TBC1D22A: variants seen among roughly 807,000 people sequenced by gnomAD.
The protein encoded by TBC1D22A is putative GTPase activator.
Under a neutral mutation model 60.2 loss-of-function variants are expected in TBC1D22A, and 38 were observed. That is an observed-to-expected ratio of 0.63 (90% CI 0.49 to 0.83). The LOEUF (loss-of-function observed/expected upper bound fraction) is 0.83. Among genes scored for constraint, TBC1D22A ranks in the 40% least tolerant of loss-of-function variants. The pLI is 0.00. For missense variants in TBC1D22A, 628 were observed against 701.0 expected, an observed-to-expected ratio of 0.90 and a Z score of 1.18; for synonymous variants, 302 against 281.7, an observed-to-expected ratio of 1.07 and a Z score of -0.72.
At chr22:46,874,562 CTTTTTTTTTTT>C (rs747481407) in intron 4 of TBC1D22A, among the ~76,000 whole-genome samples, 24 of 40,780 alleles carry the variant, frequency 5.9e-4, no homozygotes, top group East Asian at 1.7e-3. Context: ...ACAGGTATGT[CTTTTTTTTTTT>C]TTTTTTTTTT....
At chr22:46,846,982 G>T (rs1309998780) in intron 4 of TBC1D22A, among the ~76,000 whole-genome samples, 1 of 152,206 alleles carries the variant, frequency 6.6e-6, no homozygotes, top group Non-Finnish European at 1.5e-5. Flanking sequence ...TTAGGCGGGT[G>T]TCCCCTTCTG....
rs1436503721 is a variant in TBC1D22A, at chr22:47,173,884, C to G, written c.*258C>G. On this transcript the variant is annotated 3_prime_UTR_variant, in exon 13 of 13. Coordinates refer to ENST00000337137, the MANE Select transcript of TBC1D22A (RefSeq NM_014346.5). ...CGGCGGCCAGAGGCAGGTCAGGGGT[C>G]CCCTCTCCCTCTCCCTGCAATGTCC... 1 of 443,190 alleles carries G rather than the reference C, an allele frequency of 2.3e-6. No homozygotes were observed. The highest frequency in any genetic ancestry group is 4.1e-6 in the Non-Finnish European group (1 of 244,544). 27.5% of individuals were successfully genotyped at this position (443,190 alleles called of 1,614,324 possible).
At chr22:46,904,138 T>TCTGCCTGCCTACCTAC (rs1481229542) in intron 7 of TBC1D22A, among the ~76,000 whole-genome samples, 1 of 55,262 alleles carries the variant, frequency 1.8e-5, no homozygotes, top group African/African-American at 6.7e-5. Context: ...TATCTATCTA[T>TCTGCCTGCCTACCTAC]CTATCTACCT....
intron 12 of TBC1D22A, among the ~76,000 whole-genome samples, chr22:47,171,048 G>A (rs111647196): frequency 6.6e-6 from 1 of 152,152 alleles, no homozygotes; most frequent in African/African-American, 2.4e-5. Context: ...CAGGTCATCT[G>A]TCCAGGCTCT....
At position 47,111,153 on chromosome 22, in the gene TBC1D22A, G is replaced by A. The variant is rs550124685; in HGVS notation, c.1330-355G>A. On this transcript the variant is annotated intron_variant, in intron 11 of 12. Transcript: ENST00000337137. ...GAGGCCTCCCTCACGCGCCCTTTGT[G>A]AGGAGTAGACTCTGTGTCTGGCATG... 9.8e-5 allele frequency among the ~76,000 whole-genome samples: 15 copies of A among 152,324 alleles called. No individual in the cohort carries two copies. In the East Asian group the frequency reaches 2.5e-3, roughly 25 times the overall value.
chr22:47,100,340 G>T (rs542396512), intron 11 of TBC1D22A, among the ~76,000 whole-genome samples: 2 of 152,178 alleles, frequency 1.3e-5, no homozygotes, highest in East Asian at 3.9e-4. Flanking sequence ...GGGCACAGGG[G>T]TAAGCCTGGA....
At chr22:46,890,685 G>T (rs984388547) in intron 5 of TBC1D22A, among the ~76,000 whole-genome samples, 1 of 152,190 alleles carries the variant, frequency 6.6e-6, no homozygotes, top group Non-Finnish European at 1.5e-5. Context: ...TGACCTCCTT[G>T]TGCTGCCTGG....
intron 10 of TBC1D22A, among the ~76,000 whole-genome samples, chr22:47,013,152 G>T (rs1007900746): frequency 4.6e-5 from 7 of 152,204 alleles, no homozygotes; most frequent in African/African-American, 1.7e-4. Flanking sequence ...TCCTTCCCAG[G>T]ATCTTTGAGG....
Position 47,131,207 on chromosome 22 carries a change from C to T in TBC1D22A, c.1425+19604C>T, listed in dbSNP as rs991368659. On this transcript the variant is annotated intron_variant, in intron 12 of 12. Transcript: ENST00000337137. ...ACTGCCAACACCAGCTGTCACATTC[C>T]ACCATGAGATTGAGAGGGCATGGAC... Among the ~76,000 whole-genome samples the T allele has an allele frequency of 7.2e-5, 11 of 152,334 alleles. 2 individuals are homozygous for T. Among genetic ancestry groups the T allele is most frequent in the Admixed American group, 5.2e-4 (8 of 15,304 alleles).
chr22:46,972,903 C>G (rs1376390341), intron 8 of TBC1D22A, among the ~76,000 whole-genome samples: 2 of 152,220 alleles, frequency 1.3e-5, no homozygotes, highest in African/African-American at 4.8e-5. Flanking sequence ...GCCCACCCTC[C>G]CACGTTCCCG....
At chr22:46,766,122 C>T (rs983436126) in intron 1 of TBC1D22A, among the ~76,000 whole-genome samples, 3 of 151,950 alleles carry the variant, frequency 2.0e-5, no homozygotes, top group East Asian at 1.9e-4. Flanking sequence ...CTCAGCCTCC[C>T]GAGTAGCTGG....
intron 4 of TBC1D22A, among the ~76,000 whole-genome samples, chr22:46,846,001 TA>T (rs1386563006): frequency 4.1e-4 from 63 of 152,360 alleles, no homozygotes; most frequent in African/African-American, 1.5e-3. Context: ...GATGTTGGCT[TA>T]GGGGTAAAAA....
intron 4 of TBC1D22A, among the ~76,000 whole-genome samples, chr22:46,870,003 C>T (rs1472516561): frequency 6.6e-6 from 1 of 152,184 alleles, no homozygotes; most frequent in Non-Finnish European, 1.5e-5. Context: ...TTTGGGTTCA[C>T]AGAGTGTGCT....
chr22:46,889,015 T>A (rs944847300), intron 5 of TBC1D22A, among the ~76,000 whole-genome samples: 3 of 152,186 alleles, frequency 2.0e-5, no homozygotes, highest in Non-Finnish European at 4.4e-5. Flanking sequence ...AAAATCTTTT[T>A]AAAATAAGAT....
intron 11 of TBC1D22A, among the ~76,000 whole-genome samples, chr22:47,061,875 G>C (rs1446239594): frequency 6.6e-6 from 1 of 152,036 alleles, no homozygotes; most frequent in Non-Finnish European, 1.5e-5. Flanking sequence ...ATCACTTGAG[G>C]TCCAGAGTTC....
At chr22:46,825,720 C>T (rs527377489) in intron 4 of TBC1D22A, among the ~76,000 whole-genome samples, 5 of 152,274 alleles carry the variant, frequency 3.3e-5, no homozygotes, top group South Asian at 4.1e-4. Flanking sequence ...GTGATCCACC[C>T]GCTTTGGCCT....
At chr22:47,040,332 C>A (rs753091612) in intron 11 of TBC1D22A, among the ~76,000 whole-genome samples, 3 of 152,080 alleles carry the variant, frequency 2.0e-5, no homozygotes, top group African/African-American at 7.2e-5. Context: ...GTAAACCACT[C>A]GGGAGAGTCT....
chr22:47,141,476 G>A (rs2067083218), intron 12 of TBC1D22A, among the ~76,000 whole-genome samples: 1 of 152,260 alleles, frequency 6.6e-6, no homozygotes, highest in Non-Finnish European at 1.5e-5. Context: ...ACAGAGGGCA[G>A]TTGTCCCCAG....
At chr22:46,893,982 C>T (rs1349351650) in intron 6 of TBC1D22A, among the ~76,000 whole-genome samples, 1 of 152,214 alleles carries the variant, frequency 6.6e-6, no homozygotes, top group Non-Finnish European at 1.5e-5. Context: ...TGATGATGTC[C>T]CAGCCTCCTG....
Sources: gnomAD v4.1 joint callset for allele counts (sites outside exome capture counted in the v4.1 genomes callset) on GRCh38, gnomAD v4.1.1 for gene constraint, MANE v1.5 for transcripts, NCBI Gene and HGNC (gene_info 2026-07-23, HGNC 2026-07-21) for gene names.